The following DOK4 variants were observed in gnomAD, a reference collection of about 807,000 sequenced individuals.
The protein encoded by DOK4 is docking protein 4.
Under a neutral mutation model 40.1 loss-of-function variants are expected in DOK4, and 26 were observed. The ratio of observed to expected loss-of-function variants is 0.65; its 90% CI spans 0.48 to 0.90. The LOEUF is 0.90. DOK4 is among the 40% of genes least tolerant of loss of function. DOK4 has a pLI of 0.00. For missense variants in DOK4, 392 were observed against 437.2 expected, an observed-to-expected ratio of 0.90 and a Z score of 0.92; for synonymous variants, 179 against 177.0, an observed-to-expected ratio of 1.01 and a Z score of -0.09.
intron 4 of DOK4, 131 bp from the exon 5 acceptor site, chr16:57,475,350 AACCC>A: frequency 6.7e-7 from 1 of 1,482,602 alleles, no homozygotes; most frequent in Non-Finnish European, 9.1e-7. Context: ...GTCTTGCCTC[AACCC>A]TGAGGGCCTG....
chr16:57,479,359 AC>A lies in DOK4; in HGVS notation c.66+82del. The A allele has an allele frequency of 6.7e-7, 1 of 1,499,838 alleles. No homozygotes were observed. The highest frequency in any genetic ancestry group is 9.1e-7 in the Non-Finnish European group (1 of 1,093,930). The allele number at this position is 1,499,838 out of a possible 1,614,324, so 92.9% of individuals were successfully genotyped here. The stretch of plus-strand genomic sequence containing the variant: ...CAGCCGGAGGGCAGCCGCGTGCCCC[AC>A]GCGCCATGCCTCCAAGCCTGGGACC... On this transcript the variant is annotated intron_variant, in intron 2 of 8. Coordinates refer to ENST00000340099, the Ensembl canonical transcript of DOK4. The surrounding 1 kb of genome is among the most constrained non-coding windows in gnomAD (Gnocchi z 5.8).
chr16:57,472,075 G>A (rs558523843), exon 9 of DOK4: 1 of 152,776 alleles, frequency 6.5e-6, no homozygotes, highest in South Asian at 2.1e-4. Flanking sequence ...AAGACCTTTG[G>A]ACCCCAGTTC....
chr16:57,476,017 G>A, intron 2 of DOK4, 60 bp from the exon 3 acceptor site: 1 of 1,404,468 alleles, frequency 7.1e-7, no homozygotes, highest in Non-Finnish European at 9.9e-7. Context: ...CACCAGCATG[G>A]CCCTGCAGCC....
At chr16:57,482,963 T>A (rs1172701806) in intron 1 of DOK4, among the ~76,000 whole-genome samples, 2 of 152,094 alleles carry the variant, frequency 1.3e-5, no homozygotes, top group South Asian at 2.1e-4. Flanking sequence ...GCTGCGTCTG[T>A]CCATAGGCCC....
chr16:57,474,814 C>G, exon 6 of DOK4: 1 of 1,614,084 alleles, frequency 6.2e-7, no homozygotes, highest in Non-Finnish European at 8.5e-7. Flanking sequence ...GAAGGTAAAG[C>G]GTGTGGCATC....
chr16:57,477,074 G>C (rs1205730787), intron 2 of DOK4, among the ~76,000 whole-genome samples: 1 of 152,232 alleles, frequency 6.6e-6, no homozygotes, highest in Non-Finnish European at 1.5e-5. Context: ...CCTCTTACTG[G>C]AAACAGTAGG....
intron 2 of DOK4, among the ~76,000 whole-genome samples, chr16:57,476,662 G>C (rs1158269834): frequency 6.6e-6 from 1 of 152,220 alleles, no homozygotes; most frequent in African/African-American, 2.4e-5. Flanking sequence ...AATGTAAGGG[G>C]CCCTGCTCCA....
At chr16:57,476,255 A>G (rs2031179380) in intron 2 of DOK4, 3 of 403,412 alleles carry the variant, frequency 7.4e-6, no homozygotes, top group Non-Finnish European at 1.4e-5. Context: ...GTGAGTAGCC[A>G]ACGTTCCTGA....
chr16:57,475,718 T>G (rs1469334300), intron 3 of DOK4, 98 bp from the exon 4 acceptor site: 4 of 295,092 alleles, frequency 1.4e-5, no homozygotes, highest in East Asian at 1.6e-4. Context: ...CTCTCCCCCC[T>G]CCTCCTTCTC....
intron 2 of DOK4, among the ~76,000 whole-genome samples, chr16:57,477,949 T>C (rs1479795453): frequency 6.6e-6 from 1 of 152,214 alleles, no homozygotes; most frequent in Non-Finnish European, 1.5e-5. Flanking sequence ...TCAGTCTCCC[T>C]CTGGAACAGG....
At chr16:57,482,436 G>A (rs1274006212) in intron 1 of DOK4, among the ~76,000 whole-genome samples, 15 of 133,830 alleles carry the variant, frequency 1.1e-4, no homozygotes, top group South Asian at 4.6e-4. Context: ...GCCCAATCTC[G>A]GCTCATTGCA....
In DOK4 at chr16:57,485,490, C is replaced by G. The variant is rs1274819195; in HGVS notation, c.-182+815G>C. Reference sequence around the variant, plus strand: ...GAACCTGCCCTAAGCAAGCCCACCTCACACTGCCCAAGTGGAGTCTCCTAG... The same window carrying G: ...GAACCTGCCCTAAGCAAGCCCACCTGACACTGCCCAAGTGGAGTCTCCTAG... On this transcript the variant is annotated intron_variant, in intron 1 of 8. Coordinates refer to ENST00000340099, the Ensembl canonical transcript of DOK4. This position sits in a 1 kb window ranked among gnomAD's most constrained non-coding sequence, Gnocchi z 4.3. 6.6e-6 allele frequency among the ~76,000 whole-genome samples: 1 copy of G among 152,300 alleles called. No individual in the cohort carries two copies. The highest frequency in any genetic ancestry group is 1.9e-4 in the East Asian group (1 of 5,174).
exon 9 of DOK4, chr16:57,473,192 A>G: frequency 1.2e-6 from 1 of 804,294 alleles, no homozygotes; most frequent in Non-Finnish European, 1.9e-6. Context: ...CCCCTCACAC[A>G]TGCTCAGGTG....
chr16:57,476,754 T>G (rs1312916230), intron 2 of DOK4, among the ~76,000 whole-genome samples: 1 of 152,244 alleles, frequency 6.6e-6, no homozygotes, highest in Non-Finnish European at 1.5e-5. Flanking sequence ...CCTTCCCTCC[T>G]GGCCCTGGCC....
At chr16:57,474,096 ATTAG>A in intron 6 of DOK4, 57 bp from the exon 7 acceptor site, 1 of 1,604,954 alleles carries the variant, frequency 6.2e-7, no homozygotes, top group South Asian at 1.1e-5. Flanking sequence ...CATGCATGTG[ATTAG>A]TTAGGCTCTC....
intron 2 of DOK4, among the ~76,000 whole-genome samples, chr16:57,476,849 T>C (rs529151491): frequency 4.6e-5 from 7 of 152,162 alleles, no homozygotes; most frequent in Admixed American, 1.3e-4. Flanking sequence ...CAGAGGGGAG[T>C]GACCACTCTA....
chr16:57,479,664 T>A lies in DOK4; in HGVS notation c.-157A>T. The A allele has an allele frequency of 1.5e-6, 1 of 660,544 alleles. No homozygotes were observed. 40.9% of individuals were successfully genotyped at this position (660,544 alleles called of 1,614,324 possible). A position where few individuals can be genotyped will look rare whatever the true frequency, so the allele number is the denominator to read the frequency against. ...CACCTCACCCGCCTCAGCATTGTTCTAGCAGCTCCTTCGCCCCGCGCCTGC... is the reference window on the plus strand; with the variant it reads ...CACCTCACCCGCCTCAGCATTGTTCAAGCAGCTCCTTCGCCCCGCGCCTGC... On this transcript the variant is annotated 5_prime_UTR_variant, in exon 2 of 9. Transcript: ENST00000340099. The surrounding 1 kb of genome is among the most constrained non-coding windows in gnomAD (Gnocchi z 5.8).
At chr16:57,472,486 G>A (rs369446920) in exon 9 of DOK4, 70 of 152,804 alleles carry the variant, frequency 4.6e-4, no homozygotes, top group African/African-American at 1.6e-3. Flanking sequence ...GCTGGCCAGA[G>A]GGTGGCCAAA....
Position 57,479,619 on chromosome 16 carries a change from T to TGCC in DOK4, c.-115_-113dup. The TGCC allele has an allele frequency of 5.9e-6, 7 of 1,178,844 alleles. No homozygotes were observed. The highest frequency in any genetic ancestry group is 8.7e-6 in the Non-Finnish European group (7 of 807,068). The allele number at this position is 1,178,844 out of a possible 1,614,324, so 73.0% of individuals were successfully genotyped here. ...CCTGTTCCAGACACTCTGTCGGGGCTGCCGCGAGGGGCTGCTCCTCACCTC... is the reference window on the plus strand; with the variant it reads ...CCTGTTCCAGACACTCTGTCGGGGCTGCCGCCGCGAGGGGCTGCTCCTCACCTC... On this transcript the variant is annotated 5_prime_UTR_variant, in exon 2 of 9. Coordinates refer to ENST00000340099, the Ensembl canonical transcript of DOK4. The surrounding 1 kb of genome is among the most constrained non-coding windows in gnomAD (Gnocchi z 5.8).
Sources: gnomAD v4.1 joint callset for allele counts (sites outside exome capture counted in the v4.1 genomes callset) on GRCh38, gnomAD v4.1.1 for gene constraint, Gnocchi (gnomAD v3.1) non-coding constraint, MANE v1.5 for transcripts, NCBI Gene and HGNC (gene_info 2026-07-23, HGNC 2026-07-21) for gene names.